Variants in NHP2 observed in about 807,000 individuals in gnomAD.
The protein encoded by NHP2 is H/ACA ribonucleoprotein complex subunit 2.
A neutral mutation model predicts 16.7 loss-of-function variants in NHP2; 10 were observed. The observed-to-expected ratio is 0.60, with a 90% CI of 0.37 to 1.01. The LOEUF is 1.01. Ranked by LOEUF, NHP2 falls within the 50% of genes least tolerant of loss-of-function variation. The probability of loss-of-function intolerance (pLI) is 0.01; values close to 1 mark genes in which losing one functional copy is unlikely to be tolerated. For synonymous variants in NHP2, 87 were observed against 78.9 expected, an observed-to-expected ratio of 1.10 and a Z score of -0.54; for missense variants, 184 against 198.3, an observed-to-expected ratio of 0.93 and a Z score of 0.43.
rs562083385 is a variant in NHP2, at chr5:178,150,957, C to G, written c.267G>C (p.Glu89Asp). 6.2e-7 allele frequency: 1 copy of G among 1,613,948 alleles called. No homozygotes were observed. The highest frequency in any genetic ancestry group is 1.3e-5 in the African/African-American group (1 of 75,030). ...ACATGACTGGGAGATGGCAGTATAC[C>G]TCAATGGGCAGTGTGTCTCCTGCCA... ...MVLAGDTLPIEVYCHLPVMCE... is the reference protein window; with the variant it reads ...MVLAGDTLPIDVYCHLPVMCE... Residue 89 changes from glutamate to aspartate, a missense_variant, in exon 3 of 4, where the codon GAG becomes GAC. Coordinates refer to ENST00000274606, the MANE Select transcript of NHP2 (RefSeq NM_017838.4).
intron 3 of NHP2, chr5:178,150,277 AT>A (rs1756235206): frequency 4.5e-6 from 1 of 221,048 alleles, no homozygotes. Flanking sequence ...ATAACTGACT[AT>A]TTGGTTCTTA....
chr5:178,151,930 T>G (rs2113472166), intron 2 of NHP2, among the ~76,000 whole-genome samples: 1 of 152,220 alleles, frequency 6.6e-6, no homozygotes, highest in Admixed American at 6.5e-5. Context: ...GACCCAAATT[T>G]GTGATCTTTC....
chr5:178,153,375 T>C (rs1756321654), intron 2 of NHP2, 116 bp downstream of exon 2: 5 of 1,022,202 alleles, frequency 4.9e-6, no homozygotes, highest in Non-Finnish European at 7.7e-6. Flanking sequence ...GACTGCTTGA[T>C]TGGCTTCTGT....
At chr5:178,150,412 T>C (rs1372744666) in intron 3 of NHP2, 2 of 267,658 alleles carry the variant, frequency 7.5e-6, no homozygotes, top group Non-Finnish European at 1.5e-5. Flanking sequence ...AGGGCCTCAC[T>C]CTGTCATGCA....
At chr5:178,149,938 C>T (rs1756222432) in intron 3 of NHP2, 100 bp from the exon 4 acceptor site, 3 of 1,318,210 alleles carry the variant, frequency 2.3e-6, no homozygotes, top group African/African-American at 2.9e-5. Context: ...GGCCCACAAC[C>T]ATGTTCTGTT....
chr5:178,153,494 T>G lies in NHP2; in HGVS notation c.227A>C (p.Lys76Thr). Residue 76 changes from lysine (K) to threonine (T), a missense_variant, in exon 2 of 4, where the codon AAA (lysine) becomes ACA (threonine). Physicochemically the swap from Lys to Thr is moderately conservative, Grantham distance 78. Transcript: ENST00000274606. ...CCAGAGGAAGGAAGGTTCTTACCCT[T>G]TTTCTCCTTTGTTGACAAATTTCTG... ...EVQKFVNKGE[K>T]GIMVLAGDTL... 1 of 1,614,134 alleles carries G rather than the reference T, an allele frequency of 6.2e-7. No individual in the cohort carries two copies. The highest frequency in any genetic ancestry group is 8.5e-7 in the Non-Finnish European group (1 of 1,179,996).
At position 178,149,770 on chromosome 5, in the gene NHP2, G is replaced by T. The variant is rs1448837205; in HGVS notation, c.405C>A (p.Tyr135Ter). 1 of 1,613,958 alleles carries T rather than the reference G, an allele frequency of 6.2e-7. No individual in the cohort carries two copies. Among genetic ancestry groups the T allele is most frequent in the Non-Finnish European group, 8.5e-7 (1 of 1,179,988 alleles). The change falls in exon 4 of 4, where the codon TAC becomes TAA. Residue 135 changes from tyrosine (Y) to a stop codon, truncating the protein, a stop_gained. Transcript: ENST00000274606. LOFTEE classifies it high-confidence loss of function. ...CCAGGCACTCATCGTAAGCCTCCTG[G>T]TACTCCTCATGGGGCTTGACCATTA... ...CVIMVKPHEE[Y>*]QEAYDECLEE...
chr5:178,149,728 C>T lies in NHP2; in HGVS notation c.447G>A (p.Leu149=), dbSNP rs754228756. The T allele has an allele frequency of 5.6e-6, 9 of 1,613,846 alleles. No individual in the cohort carries two copies. The highest frequency in any genetic ancestry group is 1.7e-5 in the Admixed American group (1 of 60,010). Residue 149 remains leucine (L), a synonymous_variant, in exon 4 of 4, where the codon CTG becomes CTA. Transcript: ENST00000274606. ...CCGGAGCCCCTCATAGGGGTAGGGG[C>T]AGGGACTGCACCTCCTCCAGGCACT... ...YDECLEEVQS[L]PLPL is the part of the protein sequence containing the mutation.
intron 2 of NHP2, among the ~76,000 whole-genome samples, chr5:178,151,596 TGAAA>T (rs1354889296): frequency 6.6e-6 from 1 of 152,196 alleles, no homozygotes; most frequent in African/African-American, 2.4e-5. Flanking sequence ...AGCCCTCGGC[TGAAA>T]GAATGCTTCC....
Position 178,149,558 on chromosome 5 carries a change from CTTCATGAA to C in NHP2, c.*147_*154del. On this transcript the variant is annotated 3_prime_UTR_variant, in exon 4 of 4. Transcript: ENST00000274606. ...CTGATGGACAGAAGACTAGCATTAC[CTTCATGAA>C]AGGGCTGTTAGAGCTGCCTGGGAAG... 1 of 828,102 alleles carries C rather than the reference CTTCATGAA, an allele frequency of 1.2e-6. No individual in the cohort carries two copies. The highest frequency in any genetic ancestry group is 2.5e-5 in the Admixed American group (1 of 40,140). 51.3% of individuals were successfully genotyped at this position (828,102 alleles called of 1,614,324 possible).
Position 178,150,933 on chromosome 5 carries a change from C to T in NHP2, c.291G>A (p.Met97Ile). Residue 97 changes from methionine to isoleucine, a missense_variant, in exon 3 of 4, where the codon ATG becomes ATA. Physicochemically the swap from Met to Ile is conservative, Grantham distance 10. Transcript: ENST00000274606. ...CATAGGGCAAATTTCGGTCCTCACACATGACTGGGAGATGGCAGTATACCT... is the reference window on the plus strand; with the variant it reads ...CATAGGGCAAATTTCGGTCCTCACATATGACTGGGAGATGGCAGTATACCT... ...PIEVYCHLPV[M>I]CEDRNLPYVY... The T allele has an allele frequency of 6.2e-7, 1 of 1,614,182 alleles. No individual in the cohort carries two copies. The highest frequency in any genetic ancestry group is 8.5e-7 in the Non-Finnish European group (1 of 1,180,018).
chr5:178,152,493 A>G (rs977478839), intron 2 of NHP2, among the ~76,000 whole-genome samples: 1 of 151,634 alleles, frequency 6.6e-6, no homozygotes, highest in Non-Finnish European at 1.5e-5. Flanking sequence ...AAGTCTGCCC[A>G]ACATTATTGA....
At chr5:178,151,650 T>G (rs1756281124) in intron 2 of NHP2, among the ~76,000 whole-genome samples, 1 of 152,310 alleles carries the variant, frequency 6.6e-6, no homozygotes, top group East Asian at 1.9e-4. Flanking sequence ...CTGGCTCCCC[T>G]TCTGTTAAGC....
Position 178,150,927 on chromosome 5 carries a change from C to T in NHP2, c.297G>A (p.Glu99=). 2 of 1,614,112 alleles carry T rather than the reference C, an allele frequency of 1.2e-6. No homozygotes were observed. The highest frequency in any genetic ancestry group is 2.2e-5 in the East Asian group (1 of 44,876). Residue 99 remains glutamate, a synonymous_variant, in exon 3 of 4, where the codon GAG becomes GAA. Coordinates refer to ENST00000274606, the MANE Select transcript of NHP2 (RefSeq NM_017838.4). ...TATAGACATAGGGCAAATTTCGGTC[C>T]TCACACATGACTGGGAGATGGCAGT... is the stretch of plus-strand genomic sequence containing the variant. ...EVYCHLPVMC[E]DRNLPYVYIP...
chr5:178,152,313 C>T (rs1016225154), intron 2 of NHP2, among the ~76,000 whole-genome samples: 1 of 152,154 alleles, frequency 6.6e-6, no homozygotes, highest in African/African-American at 2.4e-5. Context: ...GGTAGCACTT[C>T]TGCTCACCAG....
chr5:178,149,561 C>T lies in NHP2; in HGVS notation c.*152G>A. 1.2e-6 allele frequency: 1 copy of T among 849,088 alleles called. No individual in the cohort carries two copies. Among genetic ancestry groups the T allele is most frequent in the South Asian group, 1.6e-5 (1 of 60,742 alleles). 52.6% of individuals were successfully genotyped at this position (849,088 alleles called of 1,614,324 possible). On this transcript the variant is annotated 3_prime_UTR_variant, in exon 4 of 4. Coordinates refer to ENST00000274606, the MANE Select transcript of NHP2 (RefSeq NM_017838.4). ...ATGGACAGAAGACTAGCATTACCTT[C>T]ATGAAAGGGCTGTTAGAGCTGCCTG...
chr5:178,152,349 CTT>C (rs993889013), intron 2 of NHP2, among the ~76,000 whole-genome samples: 1 of 152,180 alleles, frequency 6.6e-6, no homozygotes, highest in African/African-American at 2.4e-5. Flanking sequence ...GAGGCCCACT[CTT>C]TCTTCTGGCA....
chr5:178,153,559 C>G lies in NHP2; in HGVS notation c.162G>C (p.Ala54=), dbSNP rs763168500. ...CGCGCCGAATCTGCTTCTGCTTCAC[C>G]GCTGCAACGACAGAAGAGTCGGTCG... ...TRKLYKCIKK[A]VKQKQIRRGV... Residue 54 remains alanine (A), a splice_region_variant and synonymous_variant, in exon 2 of 4, where the codon GCG becomes GCC. Coordinates refer to ENST00000274606, the MANE Select transcript of NHP2 (RefSeq NM_017838.4). 6.2e-7 allele frequency: 1 copy of G among 1,614,206 alleles called. No homozygotes were observed. Among genetic ancestry groups the G allele is most frequent in the Admixed American group, 1.7e-5 (1 of 60,024 alleles).
chr5:178,151,882 A>C (rs1371355632), intron 2 of NHP2, among the ~76,000 whole-genome samples: 1 of 151,952 alleles, frequency 6.6e-6, no homozygotes, highest in Admixed American at 6.6e-5. Context: ...GGCGGGGTGG[A>C]AGTCATGTGT....
Sources: allele counts gnomAD v4.1 joint callset (sites outside exome capture counted in the v4.1 genomes callset), GRCh38; gene constraint gnomAD v4.1.1; transcripts MANE v1.5; gene names NCBI Gene and HGNC (gene_info 2026-07-23, HGNC 2026-07-21).